GTF2F2: variants seen among roughly 807,000 people sequenced by gnomAD.
GTF2F2 encodes general transcription factor IIF subunit 2.
Under a neutral mutation model 42.2 loss-of-function variants are expected in GTF2F2, and 23 were observed. The ratio of observed to expected loss-of-function variants is 0.55; its 90% CI spans 0.39 to 0.77. GTF2F2 has a LOEUF of 0.77. GTF2F2 is among the 30% of genes least tolerant of loss of function. The pLI, the probability that GTF2F2 is intolerant of heterozygous loss-of-function variation, is 0.00. For synonymous variants in GTF2F2, 105 were observed against 100.8 expected, an observed-to-expected ratio of 1.04 and a Z score of -0.25; for missense variants, 261 against 287.2, an observed-to-expected ratio of 0.91 and a Z score of 0.66.
chr13:45,165,332 T>TA (rs1491334032), intron 4 of GTF2F2, among the ~76,000 whole-genome samples: 2,203 of 92,114 alleles, frequency 0.024, 20 homozygotes, highest in Non-Finnish European at 0.035. Flanking sequence ...TATATATATA[T>TA]TTTTTTTTTC....
chr13:45,195,238 T>C (rs1033464583), intron 4 of GTF2F2, among the ~76,000 whole-genome samples: 2 of 152,244 alleles, frequency 1.3e-5, no homozygotes, highest in East Asian at 1.9e-4. Flanking sequence ...TTAAAGGATG[T>C]TAAGAATTTT....
Position 45,250,108 on chromosome 13 carries a change from G to A in GTF2F2, c.387-2763G>A, listed in dbSNP as rs138975069. Among the ~76,000 whole-genome samples the A allele has an allele frequency of 6.3e-3, 858 of 137,036 alleles. 11 individuals carry two copies. The highest frequency in any genetic ancestry group is 0.023 in the African/African-American group (821 of 35,074). The allele number at this position is 137,036 out of a possible 152,430, so 89.9% of individuals were successfully genotyped here. Reference sequence around the variant, plus strand: ...CTCTCTCTGTCACCCAGGCTGGAGTGCAGTGACACGATGTTGGCTCACTGC... The same window carrying A: ...CTCTCTCTGTCACCCAGGCTGGAGTACAGTGACACGATGTTGGCTCACTGC... On this transcript the variant is annotated intron_variant, in intron 5 of 7. Coordinates refer to ENST00000340473, the MANE Select transcript of GTF2F2 (RefSeq NM_004128.3).
chr13:45,279,921 C>T (rs992600500), intron 7 of GTF2F2, among the ~76,000 whole-genome samples: 7 of 151,548 alleles, frequency 4.6e-5, no homozygotes, highest in Admixed American at 2.6e-4. Context: ...TCCCCCCGCC[C>T]CCCCCAAAAA....
intron 2 of GTF2F2, among the ~76,000 whole-genome samples, chr13:45,144,291 T>G (rs1048627946): frequency 3.3e-5 from 5 of 152,062 alleles, no homozygotes; most frequent in African/African-American, 1.2e-4. Flanking sequence ...TTTAGCTTGT[T>G]TAATTTTAAA....
intron 5 of GTF2F2, among the ~76,000 whole-genome samples, chr13:45,230,962 A>T (rs1159980222): frequency 6.6e-6 from 1 of 152,016 alleles, no homozygotes; most frequent in Non-Finnish European, 1.5e-5. Flanking sequence ...AGATTGGAGT[A>T]GAAGTATGTA....
intron 5 of GTF2F2, among the ~76,000 whole-genome samples, chr13:45,236,460 C>G (rs1204125515): frequency 6.6e-6 from 1 of 151,346 alleles, no homozygotes; most frequent in African/African-American, 2.4e-5. Context: ...TAAGTGCTCT[C>G]TAAATTGATT....
intron 5 of GTF2F2, among the ~76,000 whole-genome samples, chr13:45,226,535 T>C (rs1387865081): frequency 6.6e-6 from 1 of 152,224 alleles, no homozygotes; most frequent in African/African-American, 2.4e-5. Context: ...TGTAGCTTAA[T>C]ATATTTTAAT....
intron 4 of GTF2F2, among the ~76,000 whole-genome samples, chr13:45,172,711 T>C (rs1225045550): frequency 6.6e-6 from 1 of 152,224 alleles, no homozygotes; most frequent in East Asian, 1.9e-4. Context: ...AAAGGCTATT[T>C]TTTCCCCATT....
intron 4 of GTF2F2, chr13:45,193,889 C>A: frequency 1.9e-6 from 3 of 1,614,104 alleles, no homozygotes; most frequent in Non-Finnish European, 2.5e-6. Context: ...ATCATGATAG[C>A]CTCAAACTTA....
chr13:45,196,911 C>G (rs1341240572), intron 4 of GTF2F2, among the ~76,000 whole-genome samples: 1 of 152,110 alleles, frequency 6.6e-6, no homozygotes, highest in South Asian at 2.1e-4. Flanking sequence ...CACTTCCTAG[C>G]TCACTCACTT....
intron 4 of GTF2F2, among the ~76,000 whole-genome samples, chr13:45,165,580 G>A (rs551182376): frequency 3.8e-5 from 5 of 130,422 alleles, no homozygotes; most frequent in South Asian, 2.4e-4. Context: ...CCCCCCCGCC[G>A]CCCGCTTTTA....
intron 4 of GTF2F2, among the ~76,000 whole-genome samples, chr13:45,152,064 C>T (rs887662315): frequency 4.6e-5 from 7 of 151,888 alleles, no homozygotes; most frequent in South Asian, 2.1e-4. Context: ...TACAGGCATG[C>T]GCCACCATGC....
intron 5 of GTF2F2, among the ~76,000 whole-genome samples, chr13:45,237,879 A>G (rs1875070699): frequency 6.6e-6 from 1 of 152,204 alleles, no homozygotes; most frequent in African/African-American, 2.4e-5. Context: ...AAAAGCTTTC[A>G]TCCCCACTCC....
At position 45,184,212 on chromosome 13, in the gene GTF2F2, GT is replaced by G. The variant is rs567594726; in HGVS notation, c.305-23209del. ...TATAATACTGTAATACCTGAAACTT[GT>G]TTCTGTATGGAAACAACCATAGATG... On this transcript the variant is annotated intron_variant, in intron 4 of 7. Coordinates refer to ENST00000340473, the MANE Select transcript of GTF2F2 (RefSeq NM_004128.3). 3.2e-3 allele frequency among the ~76,000 whole-genome samples: 493 copies of G among 152,096 alleles called. 2 individuals carry two copies. The highest frequency in any genetic ancestry group is 0.012 in the African/African-American group (479 of 41,416).
intron 1 of GTF2F2, chr13:45,123,966 T>C: frequency 1.4e-6 from 1 of 739,524 alleles, no homozygotes; most frequent in Admixed American, 2.1e-5. Context: ...ATTGAGGGTC[T>C]CTCTCTTCCT....
intron 2 of GTF2F2, among the ~76,000 whole-genome samples, chr13:45,149,297 G>T (rs1228083202): frequency 6.6e-6 from 1 of 151,440 alleles, no homozygotes; most frequent in African/African-American, 2.4e-5. Context: ...ACAGAAGTTA[G>T]CTGGGTGTGA....
intron 2 of GTF2F2, among the ~76,000 whole-genome samples, chr13:45,144,865 G>A (rs983844539): frequency 1.3e-5 from 2 of 152,074 alleles, no homozygotes; most frequent in African/African-American, 4.8e-5. Flanking sequence ...ATATGATGAC[G>A]GGAGTTCAAT....
chr13:45,194,620 AAG>A, intron 4 of GTF2F2: 2 of 1,492,850 alleles, frequency 1.3e-6, no homozygotes, highest in Non-Finnish European at 1.8e-6. Context: ...ATTTTTTAAA[AAG>A]AGACACTACC....
At chr13:45,171,707 T>G (rs1871607121) in intron 4 of GTF2F2, among the ~76,000 whole-genome samples, 1 of 152,196 alleles carries the variant, frequency 6.6e-6, no homozygotes, top group African/African-American at 2.4e-5. Flanking sequence ...ACCACAGGTT[T>G]AGATTTTCAT....
Sources: gnomAD v4.1 joint callset for allele counts (sites outside exome capture counted in the v4.1 genomes callset) on GRCh38, gnomAD v4.1.1 for gene constraint, MANE v1.5 for transcripts, NCBI Gene and HGNC (gene_info 2026-07-23, HGNC 2026-07-21) for gene names.